CACUL1: variants seen among roughly 807,000 people sequenced by gnomAD.
CACUL1 encodes the protein CDK2 associated cullin domain 1.
A neutral mutation model predicts 45.2 loss-of-function variants in CACUL1; 13 were observed. The observed-to-expected ratio is 0.29, with a 90% CI of 0.19 to 0.46. CACUL1 has a LOEUF of 0.46. Ranked by LOEUF, CACUL1 falls within the 20% of genes least tolerant of loss-of-function variation. The pLI is 1.00. For missense variants in CACUL1, 421 were observed against 471.4 expected, an observed-to-expected ratio of 0.89 and a Z score of 0.99; for synonymous variants, 197 against 174.2, an observed-to-expected ratio of 1.13 and a Z score of -1.03.
chr10:118,719,688 G>A (rs1490192038), intron 3 of CACUL1, among the ~76,000 whole-genome samples: 1 of 152,098 alleles, frequency 6.6e-6, no homozygotes, highest in Non-Finnish European at 1.5e-5. Context: ...GCACATGCCT[G>A]TAATCCCAGC....
intron 1 of CACUL1, among the ~76,000 whole-genome samples, chr10:118,742,127 G>T (rs1295457212): frequency 2.0e-5 from 3 of 152,276 alleles, no homozygotes; most frequent in African/African-American, 7.2e-5. Flanking sequence ...ATTACCAGAG[G>T]CTAAAATATT....
rs773385330 is a variant in CACUL1 at position 118,752,179 on chromosome 10, G to A, written c.367+2217C>T. On this transcript the variant is annotated intron_variant, in intron 1 of 8. Transcript: ENST00000369151. ...TATTTTTTTGCTCCTTATAATGTTA[G>A]CCAGGACCTTCCTACAATGCTAAAC... Among the ~76,000 whole-genome samples, 44 of 152,092 alleles carry A rather than the reference G, an allele frequency of 2.9e-4. 1 individual carries two copies. The highest frequency in any genetic ancestry group is 1.9e-3 in the Admixed American group (29 of 15,286).
intron 1 of CACUL1, among the ~76,000 whole-genome samples, chr10:118,740,768 T>A (rs1366773493): frequency 6.6e-6 from 1 of 151,218 alleles, no homozygotes; most frequent in African/African-American, 2.4e-5. Context: ...CTACTAAAAA[T>A]ACAAAAAATT....
chr10:118,747,581 A>C (rs1443228246), intron 1 of CACUL1, among the ~76,000 whole-genome samples: 1 of 151,960 alleles, frequency 6.6e-6, no homozygotes, highest in Non-Finnish European at 1.5e-5. Context: ...AAAAAAAAAA[A>C]AAACTACTAC....
At chr10:118,705,469 C>T (rs117708848) in intron 4 of CACUL1, among the ~76,000 whole-genome samples, 1,750 of 152,254 alleles carry the variant, frequency 0.011, 17 homozygotes, top group Non-Finnish European at 0.019. Context: ...ACCCTTTCTA[C>T]TCTTTGTAAG....
chr10:118,738,484 C>T (rs1845761011), intron 1 of CACUL1, among the ~76,000 whole-genome samples: 1 of 149,232 alleles, frequency 6.7e-6, no homozygotes, highest in African/African-American at 2.5e-5. Flanking sequence ...CCCCCACCCC[C>T]ACCTATCCAT....
Position 118,754,406 on chromosome 10 carries a change from G to A in CACUL1, c.357C>T (p.Thr119=), listed in dbSNP as rs372737377. Residue 119 remains threonine (T), a synonymous_variant, in exon 1 of 9, where the codon ACC becomes ACT. Coordinates refer to ENST00000369151, the MANE Select transcript of CACUL1 (RefSeq NM_153810.5). ...AAAGGCTGGACTCACAGAACTTGGA[G>A]GTGGAGGTGTTGATGTTGATGGTGG... ...ASSTININTS[T]SKFLMNVITI... 2.4e-5 allele frequency: 37 copies of A among 1,568,990 alleles called. No individual in the cohort carries two copies. The highest frequency in any genetic ancestry group is 2.8e-5 in the Non-Finnish European group (32 of 1,158,380).
At chr10:118,752,275 A>G (rs7924185) in intron 1 of CACUL1, among the ~76,000 whole-genome samples, 1,565 of 152,182 alleles carry the variant, frequency 0.01, 26 homozygotes, top group African/African-American at 0.035. Context: ...TTTCTCCATT[A>G]AGTATTATTA....
Position 118,701,367 on chromosome 10 carries a change from T to A in CACUL1, c.735A>T (p.Lys245Asn). Reference sequence around the variant, plus strand: ...CCGTAAACAGCTTTATAAGGTCATCTTTTAAGTCTCTGTTAAGCTTGGTTT... The same window carrying A: ...CCGTAAACAGCTTTATAAGGTCATCATTTAAGTCTCTGTTAAGCTTGGTTT... ...YIETKLNRDL[K>N]DDLIKLFTEH... is the part of the protein sequence containing the mutation. Residue 245 changes from lysine to asparagine, a missense_variant, in exon 5 of 9, where the codon AAA becomes AAT. Lys to Asn is a moderately conservative substitution (Grantham distance 94, BLOSUM62 0). Around this residue, in one of 2 missense-constraint regions of CACUL1, gnomAD observed 208 missense variants for 298.4 expected, o/e 0.70. Coordinates refer to ENST00000369151, the MANE Select transcript of CACUL1 (RefSeq NM_153810.5). 6.3e-7 allele frequency: 1 copy of A among 1,578,524 alleles called. No individual in the cohort carries two copies. The highest frequency in any genetic ancestry group is 8.7e-7 in the Non-Finnish European group (1 of 1,154,268).
chr10:118,741,951 T>C (rs931950016), intron 1 of CACUL1, among the ~76,000 whole-genome samples: 2 of 152,204 alleles, frequency 1.3e-5, no homozygotes, highest in African/African-American at 4.8e-5. Context: ...TCTCTTCCAG[T>C]CCAGCTTCCC....
chr10:118,743,772 G>A (rs1472932840), intron 1 of CACUL1, among the ~76,000 whole-genome samples: 5 of 151,596 alleles, frequency 3.3e-5, no homozygotes, highest in Non-Finnish European at 7.4e-5. Context: ...GAAGACAATG[G>A]AAAGACTCTT....
chr10:118,698,566 A>T (rs1157167239), intron 5 of CACUL1, among the ~76,000 whole-genome samples: 1 of 152,138 alleles, frequency 6.6e-6, no homozygotes, highest in Non-Finnish European at 1.5e-5. Context: ...GACCTAAGAT[A>T]CCAGCAATTT....
intron 1 of CACUL1, among the ~76,000 whole-genome samples, chr10:118,743,381 T>A (rs1168975874): frequency 6.6e-6 from 1 of 151,604 alleles, no homozygotes. Context: ...ACATAAAAAA[T>A]TGCGGAAAAC....
chr10:118,709,906 A>ATT (rs551356636), intron 3 of CACUL1, among the ~76,000 whole-genome samples: 1 of 150,584 alleles, frequency 6.6e-6, no homozygotes, highest in Non-Finnish European at 1.5e-5. Flanking sequence ...TTAAATTATT[A>ATT]TTTTTTTTTG....
At chr10:118,704,762 G>C (rs542157942) in intron 4 of CACUL1, among the ~76,000 whole-genome samples, 1 of 152,170 alleles carries the variant, frequency 6.6e-6, no homozygotes, top group Middle Eastern at 3.2e-3. Flanking sequence ...AGGTGGGGGT[G>C]GGGGGAGCAC....
chr10:118,751,358 G>C (rs1356424634), intron 1 of CACUL1, among the ~76,000 whole-genome samples: 1 of 151,786 alleles, frequency 6.6e-6, no homozygotes, highest in African/African-American at 2.4e-5. Context: ...GTTAACTTTG[G>C]TTTTTCTTTT....
At chr10:118,733,794 C>A (rs1220206604) in intron 1 of CACUL1, among the ~76,000 whole-genome samples, 1 of 152,138 alleles carries the variant, frequency 6.6e-6, no homozygotes, top group Non-Finnish European at 1.5e-5. Context: ...AGAGCACCGC[C>A]TGAGCCCAGA....
chr10:118,723,182 T>C (rs1414715637), intron 3 of CACUL1, among the ~76,000 whole-genome samples: 1 of 152,232 alleles, frequency 6.6e-6, no homozygotes, highest in African/African-American at 2.4e-5. Flanking sequence ...CTCTGTACTT[T>C]TAAAAAATCC....
chr10:118,725,259 G>A (rs1413426306), intron 3 of CACUL1, among the ~76,000 whole-genome samples: 1 of 152,192 alleles, frequency 6.6e-6, no homozygotes, highest in Non-Finnish European at 1.5e-5. Context: ...CTTGAGTCCA[G>A]AAGTTCAACA....
Sources: allele counts gnomAD v4.1 joint callset (sites outside exome capture counted in the v4.1 genomes callset), GRCh38; gene constraint gnomAD v4.1.1; regional missense constraint gnomAD v4.1.1; transcripts MANE v1.5; gene names NCBI Gene and HGNC (gene_info 2026-07-23, HGNC 2026-07-21).